The following PSMD14 variants were observed in gnomAD, a reference collection of about 807,000 sequenced individuals.
The protein encoded by PSMD14 is ubiquitin C-terminal hydrolase PSMD14.
Under a neutral mutation model 41.2 loss-of-function variants are expected in PSMD14, and 7 were observed. The observed-to-expected ratio is 0.17, with a 90% CI of 0.10 to 0.32. The LOEUF is 0.32. Ranked by LOEUF, PSMD14 falls within the 10% of genes least tolerant of loss-of-function variation. The probability of loss-of-function intolerance (pLI) is 1.00; values close to 1 mark genes in which losing one functional copy is unlikely to be tolerated. For missense variants in PSMD14, 139 were observed against 375.6 expected (o/e 0.37, Z 5.21); for synonymous variants, 114 against 122.3 (o/e 0.93, Z 0.45).
chr2:161,393,881 A>G (rs926642143), intron 9 of PSMD14, among the ~76,000 whole-genome samples: 3 of 151,788 alleles, frequency 2.0e-5, no homozygotes, highest in African/African-American at 4.8e-5. Flanking sequence ...TGTAAGTCCA[A>G]TTTGAGAAAC....
chr2:161,365,201 A>G (rs1683342727), intron 3 of PSMD14, among the ~76,000 whole-genome samples: 1 of 152,240 alleles, frequency 6.6e-6, no homozygotes, highest in South Asian at 2.1e-4. Flanking sequence ...CTGAATCAGA[A>G]GAAAATCCAT....
chr2:161,366,004 T>G (rs1683352380), intron 3 of PSMD14, among the ~76,000 whole-genome samples: 1 of 152,178 alleles, frequency 6.6e-6, no homozygotes, highest in Non-Finnish European at 1.5e-5. Flanking sequence ...TCCTTAATCT[T>G]TCTTAACTTT....
intron 11 of PSMD14, among the ~76,000 whole-genome samples, chr2:161,410,696 ATTC>A (rs1313202645): frequency 3.3e-5 from 5 of 152,096 alleles, no homozygotes; most frequent in Non-Finnish European, 1.5e-5. Flanking sequence ...TACATGAAAC[ATTC>A]TTAACATTTT....
chr2:161,322,026 T>C (rs1682614582), intron 3 of PSMD14, among the ~76,000 whole-genome samples: 1 of 152,158 alleles, frequency 6.6e-6, no homozygotes, highest in Non-Finnish European at 1.5e-5. Flanking sequence ...CTCAAAGTCT[T>C]AGCCCTCTAA....
At chr2:161,334,407 T>C (rs1172373484) in intron 3 of PSMD14, among the ~76,000 whole-genome samples, 1 of 152,190 alleles carries the variant, frequency 6.6e-6, no homozygotes, top group African/African-American at 2.4e-5. Flanking sequence ...TTCGCTAAGG[T>C]TTGTGTGTTG....
At chr2:161,392,590 A>G (rs998211088) in intron 9 of PSMD14, among the ~76,000 whole-genome samples, 1 of 152,138 alleles carries the variant, frequency 6.6e-6, no homozygotes, top group South Asian at 2.1e-4. Flanking sequence ...CTAGAGTTTT[A>G]AAAGGTCAAA....
At chr2:161,308,940 A>G (rs943653913) in intron 1 of PSMD14, among the ~76,000 whole-genome samples, 1 of 152,148 alleles carries the variant, frequency 6.6e-6, no homozygotes, top group African/African-American at 2.4e-5. Context: ...AAGTTTTTCA[A>G]AGCAGACCGG....
chr2:161,399,247 A>T (rs1017173745), intron 10 of PSMD14, among the ~76,000 whole-genome samples: 2 of 152,150 alleles, frequency 1.3e-5, no homozygotes, highest in Admixed American at 6.5e-5. Context: ...AGGTTACTAT[A>T]ATTCTAGTAA....
At chr2:161,337,023 T>C (rs1682881463) in intron 3 of PSMD14, among the ~76,000 whole-genome samples, 1 of 152,242 alleles carries the variant, frequency 6.6e-6, no homozygotes, top group South Asian at 2.1e-4. Context: ...GGAAGTAACT[T>C]ATTCAAAGTC....
At chr2:161,406,607 T>C (rs956875059) in intron 10 of PSMD14, among the ~76,000 whole-genome samples, 1 of 152,188 alleles carries the variant, frequency 6.6e-6, no homozygotes, top group Non-Finnish European at 1.5e-5. Flanking sequence ...CTTGGGTAGA[T>C]AGAGAAAATA....
At chr2:161,370,320 ATGCACCACC>A (rs779700236) in intron 6 of PSMD14, 143 bp downstream of exon 6, 1 of 630,374 alleles carries the variant, frequency 1.6e-6, no homozygotes, top group Non-Finnish European at 2.6e-6. Flanking sequence ...TATCAGTGCC[ATGCACCACC>A]TGTCTAGTAT....
At position 161,345,490 on chromosome 2, in the gene PSMD14, AC is replaced by A. The variant is rs556933126; in HGVS notation, c.49-21986del. ...ACTCCTGACCTCAAGCAATCTGCCG[AC>A]CTCAAGCAATCCGCCCACCTCTGCC... is the stretch of plus-strand genomic sequence containing the variant. On this transcript the variant is annotated intron_variant, in intron 3 of 11. Coordinates refer to ENST00000409682, the MANE Select transcript of PSMD14 (RefSeq NM_005805.6). 1.1e-4 allele frequency among the ~76,000 whole-genome samples: 17 copies of A among 151,952 alleles called. No homozygotes were observed. In the South Asian group the frequency reaches 3.5e-3, roughly 32 times the overall value.
chr2:161,407,024 A>G lies in PSMD14; in HGVS notation c.772-1813A>G, dbSNP rs371004523. Among the ~76,000 whole-genome samples, 3 of 152,186 alleles carry G rather than the reference A, an allele frequency of 2.0e-5. No homozygotes were observed. The East Asian group carries it at 5.8e-4, about 29-fold the overall frequency. On this transcript the variant is annotated intron_variant, in intron 10 of 11. Coordinates refer to ENST00000409682, the MANE Select transcript of PSMD14 (RefSeq NM_005805.6). ...GTACATGGATTGGTATTTTGAGCCA[A>G]ATTCCAAAATTTTTGCCTCCTTCCA... is the stretch of plus-strand genomic sequence containing the variant.
chr2:161,341,346 G>T, intron 3 of PSMD14: 1 of 1,007,590 alleles, frequency 9.9e-7, no homozygotes, highest in Non-Finnish European at 1.2e-6. Context: ...GCCGCCGAGT[G>T]CCGGCCAGCT....
chr2:161,353,091 G>A (rs1049550270), intron 3 of PSMD14, among the ~76,000 whole-genome samples: 6 of 152,068 alleles, frequency 3.9e-5, no homozygotes, highest in Non-Finnish European at 7.4e-5. Context: ...AAAATAATCT[G>A]GCTTTAAGAC....
chr2:161,395,277 G>A (rs1367782865), intron 10 of PSMD14, 74 bp downstream of exon 10: 2 of 1,294,122 alleles, frequency 1.5e-6, no homozygotes, highest in Non-Finnish European at 2.1e-6. Flanking sequence ...CATTGTGTAA[G>A]TAATTAAAAA....
chr2:161,326,284 G>A (rs1055776219), intron 3 of PSMD14, among the ~76,000 whole-genome samples: 2 of 152,054 alleles, frequency 1.3e-5, no homozygotes, highest in African/African-American at 4.8e-5. Context: ...GCCCACCTCG[G>A]CCTCCGAAAG....
intron 1 of PSMD14, among the ~76,000 whole-genome samples, chr2:161,310,832 C>G (rs983370111): frequency 7.2e-5 from 11 of 152,178 alleles, no homozygotes; most frequent in Non-Finnish European, 8.8e-5. Flanking sequence ...TCACTCTACA[C>G]TGCTGTCCTT....
intron 10 of PSMD14, among the ~76,000 whole-genome samples, chr2:161,403,563 A>G (rs571592423): frequency 6.6e-6 from 1 of 152,172 alleles, no homozygotes; most frequent in African/African-American, 2.4e-5. Context: ...AAATTGGTTC[A>G]TGTCACTACC....
Sources: allele counts gnomAD v4.1 joint callset (sites outside exome capture counted in the v4.1 genomes callset), GRCh38; gene constraint gnomAD v4.1.1; transcripts MANE v1.5; gene names NCBI Gene and HGNC (gene_info 2026-07-23, HGNC 2026-07-21).